The following EXTL3 variants were observed in gnomAD, a reference collection of about 807,000 sequenced individuals.
EXTL3 encodes the protein exostosin-like 3.
EXTL3 carries 27 observed loss-of-function variants against 69.3 expected under a neutral mutation model. That is an observed-to-expected ratio of 0.39 (90% CI 0.29 to 0.54). The LOEUF (loss-of-function observed/expected upper bound fraction) is 0.54, where lower values mean the gene tolerates loss of function less well. EXTL3 is among the 20% of genes least tolerant of loss of function. The pLI is 0.69. For synonymous variants in EXTL3, 511 were observed against 499.4 expected (o/e 1.02, Z -0.31); for missense variants, 1,003 against 1,231.8 (o/e 0.81, Z 2.78).
chr8:28,629,270 G>A (rs907300076), intron 1 of EXTL3, among the ~76,000 whole-genome samples: 5 of 151,104 alleles, frequency 3.3e-5, no homozygotes, highest in Non-Finnish European at 5.9e-5. Context: ...AAAACAAACC[G>A]AGTTTTCCAT....
intron 1 of EXTL3, among the ~76,000 whole-genome samples, chr8:28,684,064 A>G (rs1008581038): frequency 6.6e-6 from 1 of 152,202 alleles, no homozygotes; most frequent in African/African-American, 2.4e-5. Context: ...TTCATTTAAC[A>G]TAATCACCTC....
At chr8:28,640,687 C>A (rs1109252) in intron 1 of EXTL3, among the ~76,000 whole-genome samples, 31,290 of 152,202 alleles carry the variant, frequency 0.21, 3,970 homozygotes, top group Non-Finnish European at 0.28. Context: ...ACTGCAGCTT[C>A]GACCTCCTGG....
chr8:28,673,201 G>A (rs200782268), intron 1 of EXTL3, among the ~76,000 whole-genome samples: 1 of 152,152 alleles, frequency 6.6e-6, no homozygotes, highest in East Asian at 1.9e-4. Flanking sequence ...CTTTTAGCAG[G>A]CATTTTCATC....
At chr8:28,642,976 G>A (rs995956189) in intron 1 of EXTL3, among the ~76,000 whole-genome samples, 1 of 151,944 alleles carries the variant, frequency 6.6e-6, no homozygotes, top group Non-Finnish European at 1.5e-5. Context: ...AGGCGCGCTG[G>A]TTCACGCCTG....
At chr8:28,727,893 A>G (rs1204292449) in intron 3 of EXTL3, among the ~76,000 whole-genome samples, 1 of 151,920 alleles carries the variant, frequency 6.6e-6, no homozygotes. Context: ...CACACTTTGA[A>G]CTCTGAAGCT....
chr8:28,663,885 A>G (rs1198199125), intron 1 of EXTL3, among the ~76,000 whole-genome samples: 1 of 152,196 alleles, frequency 6.6e-6, no homozygotes, highest in African/African-American at 2.4e-5. Flanking sequence ...AGGGCTGAGG[A>G]GGCTGCCATT....
chr8:28,637,075 C>A (rs970436520), intron 1 of EXTL3, among the ~76,000 whole-genome samples: 2 of 152,114 alleles, frequency 1.3e-5, no homozygotes, highest in Non-Finnish European at 2.9e-5. Flanking sequence ...ATCAGCCAAC[C>A]TAAAAGTTCC....
intron 3 of EXTL3, among the ~76,000 whole-genome samples, chr8:28,726,815 GCTAA>G (rs200010281): frequency 0.014 from 2,148 of 151,588 alleles, 51 homozygotes; most frequent in African/African-American, 0.05. Context: ...AGTTTTGTCA[GCTAA>G]CTGACAAAAC....
chr8:28,674,479 A>C (rs1209805809), intron 1 of EXTL3, among the ~76,000 whole-genome samples: 1 of 152,216 alleles, frequency 6.6e-6, no homozygotes, highest in Non-Finnish European at 1.5e-5. Context: ...AGGGATTCAC[A>C]TTCCTAGTTC....
chr8:28,633,375 A>G (rs894783067), intron 1 of EXTL3, among the ~76,000 whole-genome samples: 12 of 151,898 alleles, frequency 7.9e-5, no homozygotes, highest in Admixed American at 6.6e-5. Flanking sequence ...AAATCAGGCC[A>G]GGTGTGGTGG....
At position 28,705,785 on chromosome 8, in the gene EXTL3, A is replaced by T. The variant is rs191694781; in HGVS notation, c.-570+4126A>T. Among the ~76,000 whole-genome samples the T allele has an allele frequency of 1.3e-5, 2 of 152,338 alleles. 1 individual carries two copies. Among genetic ancestry groups the T allele is most frequent in the Non-Finnish European group, 2.9e-5 (2 of 68,032 alleles). Reference sequence around the variant, plus strand: ...TTCTGAGAATAAGTTAGCAAAATCCATCTGAAGACCTTATTTGAAAACCTT... The same window carrying T: ...TTCTGAGAATAAGTTAGCAAAATCCTTCTGAAGACCTTATTTGAAAACCTT... On this transcript the variant is annotated intron_variant, in intron 1 of 6. Coordinates refer to ENST00000220562, the MANE Select transcript of EXTL3 (RefSeq NM_001440.4).
At chr8:28,618,176 G>A (rs559489607), upstream of EXTL3, among the ~76,000 whole-genome samples, 64 of 152,096 alleles carry the variant, frequency 4.2e-4, no homozygotes, top group African/African-American at 1.2e-3. Flanking sequence ...TAATAAAAAA[G>A]ACAGTGAAGC....
At chr8:28,725,923 C>T (rs1038065577) in intron 3 of EXTL3, among the ~76,000 whole-genome samples, 4 of 150,884 alleles carry the variant, frequency 2.7e-5, no homozygotes, top group South Asian at 2.1e-4. Flanking sequence ...TCTTAGAGGC[C>T]GTGCTGATCT....
intron 1 of EXTL3, among the ~76,000 whole-genome samples, chr8:28,661,084 T>C (rs1473342112): frequency 1.3e-5 from 2 of 151,646 alleles, no homozygotes; most frequent in African/African-American, 4.8e-5. Flanking sequence ...AGGCTAATTT[T>C]TTGTATTTTT....
At position 28,726,641 on chromosome 8, in the gene EXTL3, C is replaced by G. The variant is rs1406947969; in HGVS notation, c.2149-4582C>G. Among the ~76,000 whole-genome samples, 5 of 152,122 alleles carry G rather than the reference C, an allele frequency of 3.3e-5. No homozygotes were observed. In the East Asian group the frequency reaches 9.6e-4, roughly 29 times the overall value. On this transcript the variant is annotated intron_variant, in intron 3 of 6. Coordinates refer to ENST00000220562, the MANE Select transcript of EXTL3 (RefSeq NM_001440.4). ...TGCACTATAGGATCTGGCAGCATCC[C>G]TGGCTTCTGCCCACTAGATACTAGA... is the stretch of plus-strand genomic sequence containing the variant.
chr8:28,643,416 T>A (rs1348415179), intron 1 of EXTL3, among the ~76,000 whole-genome samples: 1 of 110,530 alleles, frequency 9.0e-6, no homozygotes, highest in Non-Finnish European at 1.9e-5. Flanking sequence ...TTCTTTTTTT[T>A]TCTTTTTTTC....
At chr8:28,745,252 C>T (rs1240907513) in intron 6 of EXTL3, among the ~76,000 whole-genome samples, 2 of 152,292 alleles carry the variant, frequency 1.3e-5, no homozygotes, top group East Asian at 3.9e-4. Flanking sequence ...ACGCTGGTTC[C>T]ATGCAGCAAA....
At position 28,655,515 on chromosome 8, in the gene EXTL3, C is replaced by T. The variant is rs1449045368; in HGVS notation, c.-53+32705C>T. 8.0e-5 allele frequency among the ~76,000 whole-genome samples: 11 copies of T among 137,132 alleles called. No individual in the cohort carries two copies. In the South Asian group the frequency reaches 9.2e-4, roughly 11 times the overall value. The allele number at this position is 137,132 out of a possible 152,430, so 90.0% of individuals were successfully genotyped here. ...TTTTTTTTTTTTTTTTTTGAGACAG[C>T]GTCTCACACCTGTTGCACAGGCTGG... On this transcript the variant is annotated intron_variant, in intron 1 of 6. Transcript: ENST00000523149.
intron 1 of EXTL3, among the ~76,000 whole-genome samples, chr8:28,660,046 T>C (rs567131873): frequency 4.0e-4 from 61 of 152,328 alleles, no homozygotes; most frequent in Admixed American, 2.0e-3. Flanking sequence ...ATATTGTCAA[T>C]ATTGACACTC....
Sources: gnomAD v4.1 joint callset for allele counts (sites outside exome capture counted in the v4.1 genomes callset) on GRCh38, gnomAD v4.1.1 for gene constraint, MANE v1.5 for transcripts, NCBI Gene and HGNC (gene_info 2026-07-23, HGNC 2026-07-21) for gene names.